Variants in SEC23IP observed in about 807,000 individuals in gnomAD.
SEC23IP encodes SEC23 interacting protein, also known as SEC23-interacting protein.
SEC23IP carries 70 observed loss-of-function variants against 113.4 expected under a neutral mutation model. The observed-to-expected ratio is 0.62, with a 90% confidence interval of 0.51 to 0.75. SEC23IP has a LOEUF of 0.75. Ranked by LOEUF, SEC23IP falls within the 30% of genes least tolerant of loss-of-function variation. SEC23IP has a pLI of 0.00. For missense variants in SEC23IP, 1,160 were observed against 1,204.9 expected (o/e 0.96, Z 0.55); for synonymous variants, 398 against 421.0 (o/e 0.95, Z 0.67).
rs1856020058 is a variant in SEC23IP, at chr10:119,943,972, T to G, written c.*3407T>G. On this transcript the variant is annotated 3_prime_UTR_variant, in exon 19 of 19. Transcript: ENST00000369075. ...ATAAAGAGTGGTTTTTAAAAGACCT[T>G]ACTATGGAATTTTCACAAATACTCA... The G allele has an allele frequency of 6.6e-6, 1 of 152,204 alleles. No individual in the cohort carries two copies. Among genetic ancestry groups the G allele is most frequent in the Non-Finnish European group, 1.5e-5 (1 of 68,040 alleles). 9.4% of individuals were successfully genotyped at this position (152,204 alleles called of 1,614,324 possible).
intron 18 of SEC23IP, among the ~76,000 whole-genome samples, chr10:119,934,721 A>G (rs1351178305): frequency 6.6e-6 from 1 of 152,228 alleles, no homozygotes; most frequent in Non-Finnish European, 1.5e-5. Flanking sequence ...GTAAATGAAC[A>G]TTCCCTTCAG....
At chr10:119,899,251 A>G (rs1308268900) in intron 2 of SEC23IP, among the ~76,000 whole-genome samples, 1 of 152,222 alleles carries the variant, frequency 6.6e-6, no homozygotes, top group African/African-American at 2.4e-5. Flanking sequence ...TGTTGTCTAG[A>G]GACATAGGAG....
chr10:119,925,708 AT>A (rs1279114107), intron 12 of SEC23IP, among the ~76,000 whole-genome samples: 1 of 151,620 alleles, frequency 6.6e-6, no homozygotes, highest in Non-Finnish European at 1.5e-5. Context: ...GGCCTGGCTA[AT>A]TTTTTCTTTT....
At chr10:119,914,697 CT>C (rs769093358) in intron 6 of SEC23IP, 32 bp from the exon 7 acceptor site, 1 of 1,561,438 alleles carries the variant, frequency 6.4e-7, no homozygotes, top group East Asian at 2.2e-5. Context: ...AAATTCCCAT[CT>C]TTTATGTAGG....
intron 12 of SEC23IP, among the ~76,000 whole-genome samples, chr10:119,921,426 C>T (rs574828476): frequency 6.6e-6 from 1 of 152,354 alleles, no homozygotes; most frequent in South Asian, 2.1e-4. Flanking sequence ...CCTCCCGCCT[C>T]AGCCTTCTGA....
chr10:119,911,208 C>G (rs925522700), intron 5 of SEC23IP, among the ~76,000 whole-genome samples: 1 of 151,616 alleles, frequency 6.6e-6, no homozygotes, highest in South Asian at 2.1e-4. Context: ...AAGGATTTTG[C>G]TTTACTTGTT....
rs1169212931 is a variant in SEC23IP at position 119,932,135 on chromosome 10, T to A, written c.2575T>A (p.Leu859Met). 1.2e-6 allele frequency: 2 copies of A among 1,601,864 alleles called. No individual in the cohort carries two copies. Among genetic ancestry groups the A allele is most frequent in the Non-Finnish European group, 1.7e-6 (2 of 1,169,610 alleles). Reference protein sequence around the residue: ...HKGRKRLHLELKESLSRMGSD... With the variant: ...HKGRKRLHLEMKESLSRMGSD... ...TTGTGTCATCTTAATCTCTTTAGAATTGAAAGAGAGTCTCTCTCGTATGGG... is the reference window on the plus strand; with the variant it reads ...TTGTGTCATCTTAATCTCTTTAGAAATGAAAGAGAGTCTCTCTCGTATGGG... Residue 859 changes from leucine to methionine, a missense_variant and splice_region_variant, in exon 16 of 19, where the codon TTG becomes ATG. Leu to Met is a conservative substitution (Grantham distance 15). Coordinates refer to ENST00000369075, the MANE Select transcript of SEC23IP (RefSeq NM_007190.4).
intron 8 of SEC23IP, 141 bp downstream of exon 8, chr10:119,916,030 G>A (rs1855040131): frequency 3.0e-6 from 2 of 660,218 alleles, no homozygotes; most frequent in South Asian, 6.0e-5. Context: ...TTAAATATTG[G>A]CTGTAAAGTT....
At position 119,892,998 on chromosome 10, in the gene SEC23IP, C is replaced by T. The variant is rs1854143273; in HGVS notation, c.163+53C>T. The T allele has an allele frequency of 2.6e-6, 4 of 1,565,414 alleles. No individual in the cohort carries two copies. In the Admixed American group the frequency reaches 5.6e-5, roughly 22 times the overall value. On this transcript the variant is annotated intron_variant, in intron 1 of 18. Coordinates refer to ENST00000369075, the MANE Select transcript of SEC23IP (RefSeq NM_007190.4). The stretch of plus-strand genomic sequence containing the variant: ...TGGTGGGAGGCGGGCGGGGGACGTG[C>T]AATGACAAAGGTCAGACGGGAGTTT...
At chr10:119,905,391 A>C (rs1297140903) in intron 4 of SEC23IP, among the ~76,000 whole-genome samples, 1 of 152,182 alleles carries the variant, frequency 6.6e-6, no homozygotes, top group Non-Finnish European at 1.5e-5. Flanking sequence ...GAAAGTCTAC[A>C]CTTTCTCTTA....
Position 119,912,055 on chromosome 10 carries a change from G to C in SEC23IP, c.1203G>C (p.Gln401His), listed in dbSNP as rs778558734. ...IVMHNPKVIV[Q>H]FQPSSVPDEW... is the part of the protein sequence containing the mutation. ...GTTGCATCTTGAAGGTTATTGTTCA[G>C]TTCCAGCCCTCCTCAGTGCCAGATG... is the stretch of plus-strand genomic sequence containing the variant. Residue 401 changes from glutamine to histidine, a missense_variant, in exon 6 of 19, where the codon CAG becomes CAC. Transcript: ENST00000369075. 2.5e-6 allele frequency: 4 copies of C among 1,614,060 alleles called. No homozygotes were observed. The highest frequency in any genetic ancestry group is 2.2e-5 in the East Asian group (1 of 44,878).
In SEC23IP at chr10:119,902,848, C is replaced by T; in HGVS notation, c.746C>T (p.Pro249Leu). The T allele has an allele frequency of 6.2e-7, 1 of 1,614,196 alleles. No individual in the cohort carries two copies. The highest frequency in any genetic ancestry group is 8.5e-7 in the Non-Finnish European group (1 of 1,180,032). The change falls in exon 3 of 19, where the codon CCT (proline) becomes CTT (leucine). Residue 249 changes from proline to leucine, a missense_variant. Transcript: ENST00000369075. ...GCACAGCAGCAGGTACCTGCCAGAC[C>T]TGGGGCTCCCTCTGTTCAAGTGCCA... The part of the protein sequence containing the change: ...SPAQQQVPAR[P>L]GAPSVQVPSP...
chr10:119,903,543 TAAAA>T (rs769335248), intron 3 of SEC23IP, among the ~76,000 whole-genome samples: 3 of 152,056 alleles, frequency 2.0e-5, no homozygotes, highest in African/African-American at 7.2e-5. Context: ...ATTGTTCTGA[TAAAA>T]AAAATCCATC....
chr10:119,908,491 T>C (rs1346192547), intron 4 of SEC23IP, among the ~76,000 whole-genome samples: 1 of 152,182 alleles, frequency 6.6e-6, no homozygotes, highest in Non-Finnish European at 1.5e-5. Context: ...GAGGTTTTAC[T>C]GGAATAGGAT....
chr10:119,915,816 A>G lies in SEC23IP; in HGVS notation c.1471A>G (p.Lys491Glu), dbSNP rs1289628522. 2 of 1,605,022 alleles carry G rather than the reference A, an allele frequency of 1.2e-6. No homozygotes were observed. Among genetic ancestry groups the G allele is most frequent in the African/African-American group, 2.7e-5 (2 of 74,766 alleles). ...TTTCAAGAAATCTTTAGATGACGGG[A>G]AAGTAAGCAGAGTGGAGTTCCTTCC... is the stretch of plus-strand genomic sequence containing the variant. ...THFKKSLDDG[K>E]VSRVEFLPVH... Residue 491 changes from lysine (K) to glutamate (E), a missense_variant, in exon 8 of 19, where the codon AAA (lysine) becomes GAA (glutamate). By Grantham distance (56) the Lys-to-Glu change is moderately conservative (BLOSUM62 1). Coordinates refer to ENST00000369075, the MANE Select transcript of SEC23IP (RefSeq NM_007190.4).
chr10:119,914,173 A>G (rs1167717266), intron 6 of SEC23IP, among the ~76,000 whole-genome samples: 1 of 152,084 alleles, frequency 6.6e-6, no homozygotes, highest in African/African-American at 2.4e-5. Context: ...AAACAAAACA[A>G]AACAAAACAA....
At chr10:119,907,345 CAAT>C (rs1437986737) in intron 4 of SEC23IP, among the ~76,000 whole-genome samples, 3 of 151,504 alleles carry the variant, frequency 2.0e-5, no homozygotes, top group Non-Finnish European at 4.4e-5. Context: ...TACTGTTACT[CAAT>C]GATTGTCCAA....
At chr10:119,929,566 A>G in intron 13 of SEC23IP, 41 bp from the exon 14 acceptor site, 1 of 1,566,438 alleles carries the variant, frequency 6.4e-7, no homozygotes, top group Non-Finnish European at 8.8e-7. Context: ...ACTAGGTGAC[A>G]TTGGAACAAT....
Position 119,894,888 on chromosome 10 carries a change from CAGTCTG to C in SEC23IP, c.163+1944_163+1949del, listed in dbSNP as rs1429661658. On this transcript the variant is annotated intron_variant, in intron 1 of 18. Transcript: ENST00000369075. ...CTTTAATGCTTTTGTTTCTTGGAGA[CAGTCTG>C]TGTGTGTGTGTGTGTGTGTGTGTGT... 6.1e-5 allele frequency among the ~76,000 whole-genome samples: 8 copies of C among 131,244 alleles called. No individual in the cohort carries two copies. In the East Asian group the frequency reaches 8.9e-4, roughly 15 times the overall value. 86.1% of individuals were successfully genotyped at this position (131,244 alleles called of 152,430 possible). A position where few individuals can be genotyped will look rare whatever the true frequency, so the allele number is the denominator to read the frequency against.
Sources: gnomAD v4.1 joint callset for allele counts (sites outside exome capture counted in the v4.1 genomes callset) on GRCh38, gnomAD v4.1.1 for gene constraint, MANE v1.5 for transcripts, NCBI Gene and HGNC (gene_info 2026-07-23, HGNC 2026-07-21) for gene names.